Variants in ITSN2 observed in about 807,000 individuals in gnomAD.
ITSN2 encodes intersectin 2.
ITSN2 carries 156 observed loss-of-function variants against 243.7 expected under a neutral mutation model. The observed-to-expected ratio is 0.64, with a 90% CI of 0.56 to 0.73. The LOEUF is 0.73. Among genes scored for constraint, ITSN2 ranks in the 30% least tolerant of loss-of-function variants. ITSN2 has a pLI of 0.00. For missense variants in ITSN2, 1,801 were observed against 1,996.1 expected, an observed-to-expected ratio of 0.90 and a Z score of 1.86; for synonymous variants, 703 against 699.9, an observed-to-expected ratio of 1.00 and a Z score of -0.07.
At chr2:24,347,463 G>A (rs1687644900) in intron 1 of ITSN2, among the ~76,000 whole-genome samples, 1 of 152,156 alleles carries the variant, frequency 6.6e-6, no homozygotes, top group Non-Finnish European at 1.5e-5. Context: ...GAAGCAGGTG[G>A]ATCACCTGAG....
intron 1 of ITSN2, among the ~76,000 whole-genome samples, chr2:24,334,322 G>T (rs112868406): frequency 6.6e-6 from 1 of 152,234 alleles, no homozygotes; most frequent in African/African-American, 2.4e-5. Flanking sequence ...GCTTCCCAAA[G>T]TGTTGCGATT....
At chr2:24,278,778 A>C (rs1179579940) in intron 17 of ITSN2, among the ~76,000 whole-genome samples, 1 of 150,096 alleles carries the variant, frequency 6.7e-6, no homozygotes, top group Non-Finnish European at 1.5e-5. Flanking sequence ...CAGCCTCTTG[A>C]GTAGCTGGGA....
chr2:24,214,195 G>T (rs191782986), intron 32 of ITSN2, among the ~76,000 whole-genome samples: 1 of 152,190 alleles, frequency 6.6e-6, no homozygotes, highest in Non-Finnish European at 1.5e-5. Flanking sequence ...TTAATTTTAT[G>T]AATTGTTACT....
rs542402929 is a variant in ITSN2, at chr2:24,340,396, G to A, written c.-33-12281C>T. Among the ~76,000 whole-genome samples the A allele has an allele frequency of 1.6e-4, 25 of 151,688 alleles. 1 individual carries two copies. The East Asian group carries it at 2.5e-3, about 15-fold the overall frequency. On this transcript the variant is annotated intron_variant, in intron 1 of 39. Transcript: ENST00000355123. ...CTTGGGAGGCTGAGGCAGGAGAATC[G>A]CTTGAACCCGGGGGGTGGAGGTTAC...
chr2:24,206,450 G>A (rs921747345), intron 37 of ITSN2, among the ~76,000 whole-genome samples: 1 of 151,376 alleles, frequency 6.6e-6, no homozygotes, highest in Admixed American at 6.6e-5. Context: ...GCCCCCTGTG[G>A]GGTGGAGGCC....
At chr2:24,307,792 T>C (rs1682747736) in intron 8 of ITSN2, among the ~76,000 whole-genome samples, 1 of 152,170 alleles carries the variant, frequency 6.6e-6, no homozygotes, top group Non-Finnish European at 1.5e-5. Flanking sequence ...AAATAGGCCA[T>C]GTATTTTTTG....
intron 1 of ITSN2, among the ~76,000 whole-genome samples, chr2:24,347,179 A>C (rs1385625664): frequency 6.6e-6 from 1 of 152,168 alleles, no homozygotes; most frequent in Non-Finnish European, 1.5e-5. Flanking sequence ...TATCTTAAGA[A>C]AATATCTAAA....
chr2:24,353,462 A>G (rs1159241576), intron 1 of ITSN2, among the ~76,000 whole-genome samples: 1 of 152,096 alleles, frequency 6.6e-6, no homozygotes, highest in African/African-American at 2.4e-5. Context: ...AGTTGGTCCC[A>G]GCGGGAGGCT....
chr2:24,352,824 T>C (rs2151946140), intron 1 of ITSN2, among the ~76,000 whole-genome samples: 1 of 152,248 alleles, frequency 6.6e-6, no homozygotes, highest in African/African-American at 2.4e-5. Context: ...GGGATAAAAA[T>C]ACCTAAGAAT....
chr2:24,210,526 C>T (rs189462197), intron 34 of ITSN2, among the ~76,000 whole-genome samples: 47 of 150,852 alleles, frequency 3.1e-4, no homozygotes, highest in African/African-American at 1.1e-3. Context: ...GCCAGAGAAT[C>T]GCTCCAACCC....
Position 24,238,384 on chromosome 2 carries a change from G to A in ITSN2, c.3577+7745C>T, listed in dbSNP as rs532587041. 2.3e-3 allele frequency among the ~76,000 whole-genome samples: 344 copies of A among 152,246 alleles called. 1 individual carries two copies. The highest frequency in any genetic ancestry group is 8.0e-3 in the African/African-American group (334 of 41,554). On this transcript the variant is annotated intron_variant, in intron 29 of 39. Coordinates refer to ENST00000355123, the MANE Select transcript of ITSN2 (RefSeq NM_006277.3). ...ATGAGGAAAGGCTTTTTGGAAAGAG[G>A]TTGTTTGTGCTAGATGTTGACAGAT...
intron 1 of ITSN2, among the ~76,000 whole-genome samples, chr2:24,341,458 A>T (rs990428777): frequency 6.6e-6 from 1 of 152,218 alleles, no homozygotes; most frequent in Admixed American, 6.5e-5. Context: ...AGTTTCAAGG[A>T]GAAAATGGTA....
chr2:24,338,835 A>G (rs1039180901), intron 1 of ITSN2, among the ~76,000 whole-genome samples: 11 of 152,166 alleles, frequency 7.2e-5, no homozygotes, highest in African/African-American at 2.4e-4. Context: ...TACAAAAATA[A>G]TAATAAATAA....
intron 20 of ITSN2, among the ~76,000 whole-genome samples, chr2:24,262,191 T>C (rs1311612681): frequency 6.6e-6 from 1 of 152,210 alleles, no homozygotes; most frequent in Non-Finnish European, 1.5e-5. Context: ...TCTCTTTCAC[T>C]GTAGCCTCTT....
rs771246757 is a variant in ITSN2 at position 24,261,624 on chromosome 2, ACAG to A, written c.2471_2473del (p.Ala824del). On this transcript the variant is annotated inframe_deletion, in exon 21 of 40. Transcript: ENST00000355123. ...AGGAAGTAAGGCCTTCTTTGGAGAT[ACAG>A]CTTTTTCATTTTCACTTGATGGCAT... is the stretch of plus-strand genomic sequence containing the variant. 3.7e-6 allele frequency: 6 copies of A among 1,613,702 alleles called. No individual in the cohort carries two copies. The South Asian group carries it at 6.6e-5, about 18-fold the overall frequency.
rs774656531 is a variant in ITSN2, at chr2:24,286,205, T to A, written c.1863+7A>T. 1 of 1,534,420 alleles carries A rather than the reference T, an allele frequency of 6.5e-7. No individual in the cohort carries two copies. The highest frequency in any genetic ancestry group is 8.9e-7 in the Non-Finnish European group (1 of 1,129,674). On this transcript the variant is annotated splice_region_variant and intron_variant, in intron 16 of 39. Coordinates refer to ENST00000355123, the MANE Select transcript of ITSN2 (RefSeq NM_006277.3). Reference sequence around the variant, plus strand: ...ACCTAAAAATAAATAGTATCAAAAATAAATACCTTTAGTTGATTGTTAAAA... The same window carrying A: ...ACCTAAAAATAAATAGTATCAAAAAAAAATACCTTTAGTTGATTGTTAAAA...
At chr2:24,343,537 T>C (rs1335780866) in intron 1 of ITSN2, among the ~76,000 whole-genome samples, 9 of 152,206 alleles carry the variant, frequency 5.9e-5, no homozygotes, top group Admixed American at 2.6e-4. Context: ...ACAATAAACA[T>C]TCTTCATACA....
chr2:24,207,433 G>A (rs1049506787), intron 37 of ITSN2, among the ~76,000 whole-genome samples: 3 of 152,156 alleles, frequency 2.0e-5, no homozygotes, highest in Non-Finnish European at 4.4e-5. Context: ...AAAAGCCGAT[G>A]TGTGATGTGG....
intron 33 of ITSN2, among the ~76,000 whole-genome samples, chr2:24,212,261 C>T (rs1669559784): frequency 6.6e-6 from 1 of 152,156 alleles, no homozygotes; most frequent in Non-Finnish European, 1.5e-5. Context: ...GGAGGCAGAT[C>T]TCAGAGGAAA....
Sources: allele counts gnomAD v4.1 joint callset (sites outside exome capture counted in the v4.1 genomes callset), GRCh38; gene constraint gnomAD v4.1.1; transcripts MANE v1.5; gene names NCBI Gene and HGNC (gene_info 2026-07-23, HGNC 2026-07-21).